Variants in GMDS observed in about 807,000 individuals in gnomAD.
The protein encoded by GMDS is GDP-mannose 4,6 dehydratase.
Under a neutral mutation model 49.9 loss-of-function variants are expected in GMDS, and 20 were observed. The ratio of observed to expected loss-of-function variants is 0.40; its 90% confidence interval spans 0.28 to 0.58. GMDS has a LOEUF of 0.58. Among genes scored for constraint, GMDS ranks in the 20% least tolerant of loss-of-function variants. The pLI is 0.42. For missense variants in GMDS, 362 were observed against 481.4 expected (o/e 0.75, Z 2.32); for synonymous variants, 177 against 178.6 (o/e 0.99, Z 0.07).
intron 9 of GMDS, among the ~76,000 whole-genome samples, chr6:1,720,722 A>G (rs1289565018): frequency 6.6e-6 from 1 of 152,162 alleles, no homozygotes; most frequent in African/African-American, 2.4e-5. Context: ...CTCTCTCCAC[A>G]TCCTCTGACC....
intron 9 of GMDS, among the ~76,000 whole-genome samples, chr6:1,684,240 G>T (rs1003519769): frequency 1.3e-5 from 2 of 152,216 alleles, no homozygotes; most frequent in Admixed American, 1.3e-4. Flanking sequence ...GGGGCGGCTG[G>T]AAGTCTCCCG....
chr6:1,861,895 C>T (rs934000135), intron 7 of GMDS, among the ~76,000 whole-genome samples: 1 of 152,200 alleles, frequency 6.6e-6, no homozygotes, highest in Non-Finnish European at 1.5e-5. Flanking sequence ...AAATAAAATA[C>T]ATTTTATCTG....
intron 7 of GMDS, among the ~76,000 whole-genome samples, chr6:1,746,508 T>C (rs1348226883): frequency 6.6e-6 from 1 of 152,190 alleles, no homozygotes; most frequent in Non-Finnish European, 1.5e-5. Flanking sequence ...TGTCTTGCAT[T>C]CATTTTGCTT....
intron 4 of GMDS, among the ~76,000 whole-genome samples, chr6:2,065,624 G>A (rs1399069616): frequency 6.6e-6 from 1 of 152,200 alleles, no homozygotes; most frequent in Non-Finnish European, 1.5e-5. Flanking sequence ...CGTGAAGAAT[G>A]CAGAAGCCTC....
At chr6:2,244,928 A>C (rs536155812) in intron 1 of GMDS, among the ~76,000 whole-genome samples, 1 of 152,138 alleles carries the variant, frequency 6.6e-6, no homozygotes, top group East Asian at 1.9e-4. Flanking sequence ...CATCAAGAAG[A>C]CCTCACCCGC....
chr6:2,076,639 T>C (rs1053896744), intron 4 of GMDS, among the ~76,000 whole-genome samples: 2 of 152,142 alleles, frequency 1.3e-5, no homozygotes, highest in African/African-American at 4.8e-5. Flanking sequence ...TTGACAAACC[T>C]GACAAAAATA....
intron 7 of GMDS, among the ~76,000 whole-genome samples, chr6:1,850,278 C>T (rs62388422): frequency 0.035 from 5,386 of 152,318 alleles, 127 homozygotes; most frequent in Middle Eastern, 0.058. Flanking sequence ...GTGTCTATTA[C>T]CCAGGTTCTG....
chr6:1,966,912 T>C (rs935543118), intron 4 of GMDS, among the ~76,000 whole-genome samples: 1 of 152,188 alleles, frequency 6.6e-6, no homozygotes, highest in Non-Finnish European at 1.5e-5. Flanking sequence ...TGGCATCACC[T>C]TTCATGGGAA....
chr6:2,223,908 C>T (rs13219512), intron 1 of GMDS, among the ~76,000 whole-genome samples: 2,667 of 152,118 alleles, frequency 0.018, 48 homozygotes, highest in Non-Finnish European at 0.028. Context: ...AGAAAGTGAA[C>T]AAAGTAGGAG....
chr6:2,013,950 A>G, intron 4 of GMDS, among the ~76,000 whole-genome samples: 1 of 77,100 alleles, frequency 1.3e-5, no homozygotes, highest in African/African-American at 3.9e-5. Flanking sequence ...ATATATATAT[A>G]TATATATATG....
chr6:2,077,330 G>A (rs1013495451), intron 4 of GMDS, among the ~76,000 whole-genome samples: 2 of 152,076 alleles, frequency 1.3e-5, no homozygotes, highest in African/African-American at 4.8e-5. Context: ...GAATAGGAGT[G>A]GTGAAAATGG....
intron 7 of GMDS, among the ~76,000 whole-genome samples, chr6:1,874,995 T>C (rs1057375869): frequency 3.3e-5 from 5 of 152,260 alleles, no homozygotes; most frequent in Non-Finnish European, 5.9e-5. Context: ...ACATTTAAAG[T>C]CACTTGACTA....
intron 4 of GMDS, among the ~76,000 whole-genome samples, chr6:2,046,279 T>C (rs992366768): frequency 5.3e-5 from 8 of 152,238 alleles, no homozygotes; most frequent in African/African-American, 9.6e-5. Flanking sequence ...TAAAACTTTA[T>C]AGGATTCAAA....
intron 7 of GMDS, among the ~76,000 whole-genome samples, chr6:1,746,643 A>C (rs536342128): frequency 6.6e-6 from 1 of 152,250 alleles, no homozygotes; most frequent in Non-Finnish European, 1.5e-5. Flanking sequence ...TAATTAATCT[A>C]TCTGTTCTAC....
At chr6:1,636,113 A>G (rs1297147680) in intron 9 of GMDS, among the ~76,000 whole-genome samples, 1 of 152,252 alleles carries the variant, frequency 6.6e-6, no homozygotes, top group Non-Finnish European at 1.5e-5. Context: ...AATCTGTTCC[A>G]GGAATGTCTG....
chr6:2,087,821 GA>G (rs1773098796), intron 4 of GMDS, among the ~76,000 whole-genome samples: 2 of 152,164 alleles, frequency 1.3e-5, no homozygotes, highest in Admixed American at 1.3e-4. Flanking sequence ...TAGTTTGCCA[GA>G]ATGTTAGATT....
At chr6:2,094,479 C>T (rs1344531924) in intron 4 of GMDS, among the ~76,000 whole-genome samples, 2 of 152,192 alleles carry the variant, frequency 1.3e-5, no homozygotes, top group African/African-American at 2.4e-5. Flanking sequence ...AAAGCAAATA[C>T]AATTCTAGAC....
At chr6:1,645,319 C>T (rs9501747) in intron 9 of GMDS, among the ~76,000 whole-genome samples, 17,274 of 152,238 alleles carry the variant, frequency 0.11, 1,430 homozygotes, top group African/African-American at 0.23. Context: ...TCTATGGTGC[C>T]CATTTTCAGT....
intron 4 of GMDS, among the ~76,000 whole-genome samples, chr6:1,979,034 C>T (rs942525734): frequency 2.6e-5 from 4 of 152,158 alleles, no homozygotes; most frequent in African/African-American, 9.7e-5. Flanking sequence ...AACAAAACCA[C>T]AAGAACTCCA....
Sources: allele counts gnomAD v4.1 joint callset (sites outside exome capture counted in the v4.1 genomes callset), GRCh38; gene constraint gnomAD v4.1.1; transcripts MANE v1.5; gene names NCBI Gene and HGNC (gene_info 2026-07-23, HGNC 2026-07-21).